Variants in OXR1 observed in about 807,000 individuals in gnomAD.
OXR1 encodes the protein oxidation resistance protein 1.
OXR1 carries 41 observed loss-of-function variants against 104.6 expected under a neutral mutation model. The observed-to-expected ratio is 0.39, with a 90% CI of 0.31 to 0.51. OXR1 has a LOEUF of 0.51. Ranked by LOEUF, OXR1 falls within the 20% of genes least tolerant of loss-of-function variation. The pLI is 0.77. For missense variants in OXR1, 955 were observed against 1,031.9 expected (o/e 0.93, Z 1.02); for synonymous variants, 348 against 348.4 (o/e 1.00, Z 0.01).
intron 3 of OXR1, among the ~76,000 whole-genome samples, chr8:106,645,686 G>A (rs865781724): frequency 2.0e-5 from 3 of 152,088 alleles, no homozygotes; most frequent in African/African-American, 7.2e-5. Context: ...GATTCACCTG[G>A]GGATATTAGC....
intron 1 of OXR1, among the ~76,000 whole-genome samples, chr8:106,309,253 A>G (rs1813597646): frequency 6.6e-6 from 1 of 152,186 alleles, no homozygotes; most frequent in Non-Finnish European, 1.5e-5. Context: ...TAGTATTGAG[A>G]TTACAGGTGT....
intron 1 of OXR1, among the ~76,000 whole-genome samples, chr8:106,319,355 C>A (rs914648538): frequency 2.0e-5 from 3 of 152,154 alleles, no homozygotes; most frequent in Non-Finnish European, 2.9e-5. Flanking sequence ...GAATCACATT[C>A]CACTAAAGGC....
At chr8:106,414,790 G>A (rs200009404) in intron 2 of OXR1, among the ~76,000 whole-genome samples, 22 of 152,218 alleles carry the variant, frequency 1.4e-4, no homozygotes, top group East Asian at 1.4e-3. Context: ...AGGAAGGTTA[G>A]CAACATGTTG....
chr8:106,397,920 T>C (rs1817846283), intron 2 of OXR1, among the ~76,000 whole-genome samples: 1 of 152,166 alleles, frequency 6.6e-6, no homozygotes, highest in Admixed American at 6.6e-5. Flanking sequence ...TGGATCCTTC[T>C]GAAGGCTGAG....
chr8:106,284,109 C>T (rs1166245940), intron 1 of OXR1, among the ~76,000 whole-genome samples: 20 of 152,060 alleles, frequency 1.3e-4, no homozygotes, highest in Non-Finnish European at 4.4e-5. Flanking sequence ...AAACATGGCC[C>T]ATGCTTTCAT....
chr8:106,537,445 G>A (rs554255914), intron 3 of OXR1, among the ~76,000 whole-genome samples: 4 of 152,208 alleles, frequency 2.6e-5, no homozygotes, highest in African/African-American at 7.2e-5. Context: ...ATGTAATTTA[G>A]GAAGAATAAA....
intron 2 of OXR1, among the ~76,000 whole-genome samples, chr8:106,473,420 C>T (rs565549811): frequency 6.6e-6 from 1 of 151,720 alleles, no homozygotes; most frequent in Non-Finnish European, 1.5e-5. Flanking sequence ...CAGAAAATGC[C>T]CTCATTAAGT....
At chr8:106,663,525 T>G (rs1240714413) in intron 3 of OXR1, among the ~76,000 whole-genome samples, 2 of 152,164 alleles carry the variant, frequency 1.3e-5, no homozygotes, top group Admixed American at 6.5e-5. Flanking sequence ...CCACCTCAGA[T>G]GATGTGTTAA....
intron 2 of OXR1, among the ~76,000 whole-genome samples, chr8:106,444,988 C>A (rs2130598370): frequency 6.6e-6 from 1 of 151,990 alleles, no homozygotes; most frequent in East Asian, 1.9e-4. Flanking sequence ...TTAGATATGA[C>A]CCTGGGCAAT....
intron 3 of OXR1, among the ~76,000 whole-genome samples, chr8:106,630,149 G>C (rs1822541617): frequency 1.3e-5 from 2 of 152,128 alleles, no homozygotes; most frequent in African/African-American, 2.4e-5. Context: ...CCTGGGTTTG[G>C]GTCCTAGCGC....
chr8:106,704,586 C>CG (rs1391551969), intron 8 of OXR1, among the ~76,000 whole-genome samples: 2 of 151,430 alleles, frequency 1.3e-5, no homozygotes, highest in Non-Finnish European at 2.9e-5. Context: ...TTAGTAGAGA[C>CG]GGGGTTTCAT....
intron 2 of OXR1, among the ~76,000 whole-genome samples, chr8:106,466,436 G>T (rs1198822854): frequency 2.6e-5 from 4 of 151,772 alleles, no homozygotes; most frequent in African/African-American, 9.7e-5. Flanking sequence ...TTAAACTAGT[G>T]TAGTTTGATC....
rs561525056 is a variant in OXR1 at position 106,360,018 on chromosome 8, A to G, written c.23+382A>G. Among the ~76,000 whole-genome samples the G allele has an allele frequency of 5.3e-5, 8 of 152,274 alleles. No individual in the cohort carries two copies. In the South Asian group the frequency reaches 1.7e-3, roughly 32 times the overall value. ...GCCAGTGTGGGGTAGATATTTGCTC[A>G]TCAGTACTTCTTTGCTTCAGGTTTT... On this transcript the variant is annotated intron_variant, in intron 2 of 16. Coordinates refer to ENST00000517566, the MANE Select transcript of OXR1 (RefSeq NM_001198533.2).
chr8:106,271,673 T>G (rs1563687207), intron 1 of OXR1: 1 of 152,324 alleles, frequency 6.6e-6, no homozygotes, highest in Non-Finnish European at 1.5e-5. Flanking sequence ...GGGAACATAC[T>G]TCCCTACGTC....
chr8:106,469,411 A>C (rs1256292423), intron 2 of OXR1, among the ~76,000 whole-genome samples: 1 of 151,856 alleles, frequency 6.6e-6, no homozygotes, highest in Non-Finnish European at 1.5e-5. Context: ...ATTGGTCAGA[A>C]ATGAGCTGAG....
intron 1 of OXR1, among the ~76,000 whole-genome samples, chr8:106,275,719 GA>G (rs1812009726): frequency 6.6e-6 from 1 of 152,140 alleles, no homozygotes; most frequent in African/African-American, 2.4e-5. Context: ...GTGCCAGCTG[GA>G]AGGAGGGTCA....
intron 2 of OXR1, among the ~76,000 whole-genome samples, chr8:106,487,025 T>G (rs2129805907): frequency 6.7e-6 from 1 of 149,144 alleles, no homozygotes; most frequent in African/African-American, 2.5e-5. Context: ...CAGACACTTT[T>G]TTTTTTTTTT....
intron 1 of OXR1, among the ~76,000 whole-genome samples, chr8:106,344,605 G>A (rs185571484): frequency 2.3e-3 from 347 of 152,260 alleles, no homozygotes; most frequent in Non-Finnish European, 3.7e-3. Context: ...CCAAAGTGGT[G>A]GGATTACAGG....
At chr8:106,379,685 G>A (rs1817062130) in intron 2 of OXR1, among the ~76,000 whole-genome samples, 2 of 151,438 alleles carry the variant, frequency 1.3e-5, no homozygotes, top group African/African-American at 2.4e-5. Context: ...TTACAGATGC[G>A]TGTCATCACA....
Sources: allele counts gnomAD v4.1 joint callset (sites outside exome capture counted in the v4.1 genomes callset), GRCh38; gene constraint gnomAD v4.1.1; transcripts MANE v1.5; gene names NCBI Gene and HGNC (gene_info 2026-07-23, HGNC 2026-07-21).